The following HELZ2 variants were observed in gnomAD, a reference collection of about 807,000 sequenced individuals.
The protein encoded by HELZ2 is 3'-5' exoribonuclease HELZ2.
HELZ2 carries 143 observed loss-of-function variants against 208.8 expected under a neutral mutation model. The observed-to-expected ratio is 0.68, with a 90% confidence interval of 0.60 to 0.79. The LOEUF (loss-of-function observed/expected upper bound fraction) is 0.79, where lower values mean the gene tolerates loss of function less well. Among genes scored for constraint, HELZ2 ranks in the 30% least tolerant of loss-of-function variants. The probability of loss-of-function intolerance (pLI) is 0.00; values close to 1 mark genes in which losing one functional copy is unlikely to be tolerated. For synonymous variants in HELZ2, 1,705 were observed against 1,693.7 expected, an observed-to-expected ratio of 1.01 and a Z score of -0.16; for missense variants, 3,690 against 3,794.5, an observed-to-expected ratio of 0.97 and a Z score of 0.72.
chr20:63,560,710 A>G lies in HELZ2; in HGVS notation c.7282-13T>C. The G allele has an allele frequency of 1.2e-6, 2 of 1,607,028 alleles. No homozygotes were observed. Among genetic ancestry groups the G allele is most frequent in the South Asian group, 1.1e-5 (1 of 91,058 alleles). On this transcript the variant is annotated splice_polypyrimidine_tract_variant and intron_variant, in intron 15 of 18. Coordinates refer to ENST00000467148, the Ensembl canonical transcript of HELZ2. ...AGATGCCCTCATGCTGCAGGCAAGG[A>G]TGTGCGCTGGTCAGAGGCTGCCACG...
Position 63,568,776 on chromosome 20 carries a change from G to A in HELZ2, c.1312C>T (p.Arg438Trp), listed in dbSNP as rs771605417. ...CACAGCGCCTGCTCTGAGCTGGCCC[G>A]CCTCTCCAGCCGCACCTCGAACACC... The change falls in exon 5 of 19, where the codon CGG becomes TGG. Residue 438 changes from arginine to tryptophan, a missense_variant. By Grantham distance (101) the Arg-to-Trp change is moderately radical (BLOSUM62 -3). Transcript: ENST00000467148. 1.3e-5 allele frequency: 21 copies of A among 1,610,022 alleles called. No homozygotes were observed. The highest frequency in any genetic ancestry group is 8.9e-5 in the East Asian group (4 of 44,836).
exon 8 of HELZ2, chr20:63,562,975 G>A (rs375912965): frequency 1.3e-5 from 21 of 1,594,348 alleles, no homozygotes; most frequent in Admixed American, 5.3e-5. Context: ...ACTCCAGGGC[G>A]CAGAATGGTT....
chr20:63,563,211 G>C (rs1312345661), exon 8 of HELZ2: 2 of 1,581,830 alleles, frequency 1.3e-6, no homozygotes, highest in Admixed American at 3.5e-5. Context: ...GCCACCTCCA[G>C]GAAATGGCCA....
intron 5 of HELZ2, chr20:63,568,105 C>T (rs2082981585): frequency 3.5e-6 from 2 of 571,240 alleles, no homozygotes; most frequent in Middle Eastern, 4.6e-4. Context: ...CTGGGTGGGC[C>T]ATGCTGCAGC....
At position 63,560,042 on chromosome 20, in the gene HELZ2, C is replaced by T. The variant is rs114933240; in HGVS notation, c.7711G>A (p.Asp2571Asn). The stretch of plus-strand genomic sequence containing the variant: ...CTCTTGGTGGGCCGCTGGTCCAGGT[C>T]GCTCTTGGCACAGGTGCGGACGGTG... Residue 2571 changes from aspartate (D) to asparagine (N), a missense_variant, in exon 18 of 19, where the codon GAC (aspartate) becomes AAC (asparagine). Around this residue, in one of 3 missense-constraint regions of HELZ2, gnomAD observed 2,564 missense variants for 2,580.5 expected, o/e 0.99. Coordinates refer to ENST00000467148, the Ensembl canonical transcript of HELZ2. The T allele has an allele frequency of 1.8e-4, 286 of 1,611,080 alleles. No homozygotes were observed. In the African/African-American group the frequency reaches 2.3e-3, roughly 13 times the overall value.
exon 19 of HELZ2, chr20:63,559,321 G>A (rs769941294): frequency 2.3e-5 from 37 of 1,602,802 alleles, no homozygotes; most frequent in African/African-American, 4.0e-5. Flanking sequence ...CCTCGCAGAA[G>A]TCCAGGAGGC....
At chr20:63,563,632 G>C (rs756215698) in exon 8 of HELZ2, 1 of 1,543,526 alleles carries the variant, frequency 6.5e-7, no homozygotes, top group South Asian at 1.2e-5. Context: ...TGAGCTGCAC[G>C]GCCAGGTGCA....
At chr20:63,567,381 G>A in exon 6 of HELZ2, 2 of 1,594,844 alleles carry the variant, frequency 1.3e-6, no homozygotes, top group Non-Finnish European at 1.7e-6. Context: ...GGGAGAAGAA[G>A]CCGACCGGCA....
chr20:63,562,858 G>A, exon 8 of HELZ2: 1 of 1,607,914 alleles, frequency 6.2e-7, no homozygotes. Flanking sequence ...CGGCCTCCAG[G>A]CGGAAGGCGC....
chr20:63,559,759 GAGTCAGGGTCAGATGGGAGTC>G (rs1201300483), intron 18 of HELZ2, among the ~76,000 whole-genome samples, 148 bp downstream of exon 19: 9 of 118,858 alleles, frequency 7.6e-5, no homozygotes, highest in African/African-American at 2.6e-4. Flanking sequence ...CAGGTGGGAG[GAGTCAGGGTCAGATGGGAGTC>G]AGTCAGAGTC....
chr20:63,559,877 C>T (rs1156845357), intron 18 of HELZ2, 51 bp downstream of exon 19: 3 of 1,587,918 alleles, frequency 1.9e-6, no homozygotes, highest in Non-Finnish European at 2.6e-6. Context: ...CCTAGCCCAG[C>T]CCTGGCCTCA....
exon 12 of HELZ2, chr20:63,561,665 G>A (rs377602838): frequency 1.8e-5 from 29 of 1,612,370 alleles, no homozygotes; most frequent in African/African-American, 1.5e-4. Flanking sequence ...CTGCCCACAC[G>A]CGGCACTGGG....
rs751419406 is a variant in HELZ2 at position 63,564,779 on chromosome 20, TG to T, written c.4042del (p.Gln1348ArgfsTer93). 1.9e-6 allele frequency: 3 copies of T among 1,611,728 alleles called. No individual in the cohort carries two copies. The highest frequency in any genetic ancestry group is 2.5e-6 in the Non-Finnish European group (3 of 1,179,258). On this transcript the variant is annotated frameshift_variant, in exon 8 of 19. Transcript: ENST00000467148. LOFTEE classifies it high-confidence loss of function. ...GGCATCATCGAGGTTGCAGGCGCCC[TG>T]GGGGTCCACAGTGAAGGTCAAGAAG... is the stretch of plus-strand genomic sequence containing the variant.
At chr20:63,563,348 G>C (rs999686402) in exon 8 of HELZ2, 1 of 1,538,322 alleles carries the variant, frequency 6.5e-7, no homozygotes, top group Non-Finnish European at 8.7e-7. Context: ...CCACAGGGCC[G>C]TCTCCACGGC....
chr20:63,573,409 G>A (rs914186384), upstream of HELZ2, among the ~76,000 whole-genome samples: 1 of 152,198 alleles, frequency 6.6e-6, no homozygotes, highest in Admixed American at 6.5e-5. This position sits in a 1 kb window ranked among gnomAD's most constrained non-coding sequence, Gnocchi z 4.9. Context: ...GGCCTTGGCA[G>A]TAGCTGTGTC....
At chr20:63,565,011 G>T (rs2082935491) in exon 8 of HELZ2, 2 of 1,590,286 alleles carry the variant, frequency 1.3e-6, no homozygotes, top group African/African-American at 2.7e-5. Flanking sequence ...TGCCGCCACA[G>T]GACAATTTGG....
At chr20:63,563,840 T>C in exon 8 of HELZ2, 2 of 1,596,662 alleles carry the variant, frequency 1.3e-6, no homozygotes, top group Non-Finnish European at 1.7e-6. Context: ...CTGCAGCGAG[T>C]AGTGGCCGCC....
At chr20:63,563,491 C>G in exon 8 of HELZ2, 1 of 1,512,726 alleles carries the variant, frequency 6.6e-7, no homozygotes, top group Non-Finnish European at 8.8e-7. Context: ...GCTCGGCCAG[C>G]TGCAGGGAGC....
chr20:63,560,152 C>T lies in HELZ2; in HGVS notation c.7657+19G>A. Reference sequence around the variant, plus strand: ...CTGCGCCCACCCTCCCGGCCCCACCCACGAGCCCCCAGCCTCACCCTGGCT... The same window carrying T: ...CTGCGCCCACCCTCCCGGCCCCACCTACGAGCCCCCAGCCTCACCCTGGCT... On this transcript the variant is annotated intron_variant, in intron 17 of 18. Coordinates refer to ENST00000467148, the Ensembl canonical transcript of HELZ2. 6.5e-7 allele frequency: 1 copy of T among 1,546,634 alleles called. No individual in the cohort carries two copies. The highest frequency in any genetic ancestry group is 8.7e-7 in the Non-Finnish European group (1 of 1,150,254).
Sources: allele counts gnomAD v4.1 joint callset (sites outside exome capture counted in the v4.1 genomes callset), GRCh38; gene constraint gnomAD v4.1.1; regional missense constraint gnomAD v4.1.1; non-coding constraint Gnocchi (gnomAD v3.1); transcripts MANE v1.5; gene names NCBI Gene and HGNC (gene_info 2026-07-23, HGNC 2026-07-21).